Variants in ADGRV1 observed in about 807,000 individuals in gnomAD.
ADGRV1 encodes G-protein coupled receptor 98.
Under a neutral mutation model 596.2 loss-of-function variants are expected in ADGRV1, and 359 were observed. The observed-to-expected ratio is 0.60, with a 90% confidence interval of 0.55 to 0.66. ADGRV1 has a LOEUF of 0.66. Ranked by LOEUF, ADGRV1 falls within the 30% of genes least tolerant of loss-of-function variation. ADGRV1 has a pLI of 0.00. For missense variants in ADGRV1, 7,274 were observed against 7,575.6 expected, an observed-to-expected ratio of 0.96 and a Z score of 1.48; for synonymous variants, 2,681 against 2,679.2, an observed-to-expected ratio of 1.00 and a Z score of -0.02.
chr5:90,631,310 T>G (rs1765466410), intron 9 of ADGRV1, among the ~76,000 whole-genome samples: 3 of 152,188 alleles, frequency 2.0e-5, no homozygotes, highest in South Asian at 4.1e-4. Context: ...GTGACCGTTT[T>G]CATTTTGAAG....
rs879571 is a variant in ADGRV1 at position 90,784,155 on chromosome 5, C to T, written c.13653+98C>T. Reference sequence around the variant, plus strand: ...CCCAAGTATATTTCTTTATTCACAGCCAATCAATATTTATTAATTATCTTG... The same window carrying T: ...CCCAAGTATATTTCTTTATTCACAGTCAATCAATATTTATTAATTATCTTG... On this transcript the variant is annotated intron_variant, in intron 67 of 89. Transcript: ENST00000405460. 100,928 of 756,334 alleles carry T rather than the reference C, an allele frequency of 0.13. 16,722 individuals carry two copies. The highest frequency in any genetic ancestry group is 0.66 in the African/African-American group (37,196 of 56,524). 46.9% of individuals were successfully genotyped at this position (756,334 alleles called of 1,614,324 possible).
rs1580847345 is a variant in ADGRV1, at chr5:90,716,946, G to T, written c.9447+217G>T. 21 of 368,556 alleles carry T rather than the reference G, an allele frequency of 5.7e-5. No individual in the cohort carries two copies. The East Asian group carries it at 7.8e-4, about 14-fold the overall frequency. The allele number at this position is 368,556 out of a possible 1,614,324, so 22.8% of individuals were successfully genotyped here. Reference sequence around the variant, plus strand: ...AAAATTTACTATTAATAGGGTAAAAGAATATGCAAATAATAAAGAAAATAT... The same window carrying T: ...AAAATTTACTATTAATAGGGTAAAATAATATGCAAATAATAAAGAAAATAT... On this transcript the variant is annotated intron_variant, in intron 43 of 89. Transcript: ENST00000405460.
intron 83 of ADGRV1, among the ~76,000 whole-genome samples, chr5:90,919,957 G>A (rs1282702596): frequency 1.5e-5 from 2 of 134,270 alleles, no homozygotes; most frequent in Admixed American, 1.7e-4. Flanking sequence ...TCGTGCCATT[G>A]CACTCCAACC....
At chr5:90,719,402 T>C (rs1750613011) in intron 43 of ADGRV1, among the ~76,000 whole-genome samples, 1 of 152,154 alleles carries the variant, frequency 6.6e-6, no homozygotes, top group Admixed American at 6.5e-5. Context: ...AGATTCCCCC[T>C]GTCTCTTCCC....
chr5:90,893,620 C>A (rs1158246310), intron 83 of ADGRV1, among the ~76,000 whole-genome samples: 1 of 152,070 alleles, frequency 6.6e-6, no homozygotes, highest in African/African-American at 2.4e-5. Flanking sequence ...GCTGACTACA[C>A]AATAGTTTTA....
chr5:90,859,997 A>G (rs979016615), intron 82 of ADGRV1, among the ~76,000 whole-genome samples: 16 of 151,982 alleles, frequency 1.1e-4, no homozygotes, highest in African/African-American at 3.6e-4. Context: ...TGGCTGAGAC[A>G]GGAGGATTGC....
rs1437943128 is a variant in ADGRV1 at position 90,694,267 on chromosome 5, A to G, written c.7511A>G (p.Glu2504Gly). 1 of 1,613,846 alleles carries G rather than the reference A, an allele frequency of 6.2e-7. No individual in the cohort carries two copies. Among genetic ancestry groups the G allele is most frequent in the East Asian group, 2.2e-5 (1 of 44,888 alleles). The change falls in exon 33 of 90, where the codon GAG becomes GGG. Residue 2504 changes from glutamate (E) to glycine (G), a missense_variant. By Grantham distance (98) the Glu-to-Gly change is moderately conservative. Around this residue, in one of 5 missense-constraint regions of ADGRV1, gnomAD observed 3,643 missense variants for 3,809.2 expected, o/e 0.96. Transcript: ENST00000405460. Reference protein sequence around the residue: ...SGQAVAGSDYEPVTRQWAIMQ... With the variant: ...SGQAVAGSDYGPVTRQWAIMQ... Reference sequence around the variant, plus strand: ...CAGGCTGTGGCTGGGAGTGACTATGAGCCTGTGACAAGGCAATGGGCCATA... The same window carrying G: ...CAGGCTGTGGCTGGGAGTGACTATGGGCCTGTGACAAGGCAATGGGCCATA...
chr5:91,004,423 TC>T (rs1782100986), intron 85 of ADGRV1, among the ~76,000 whole-genome samples: 1 of 151,734 alleles, frequency 6.6e-6, no homozygotes, highest in Non-Finnish European at 1.5e-5. Context: ...TTCTGAATCC[TC>T]CCGGTCCTAA....
intron 85 of ADGRV1, among the ~76,000 whole-genome samples, chr5:91,023,359 G>C (rs965516099): frequency 6.6e-6 from 1 of 152,048 alleles, no homozygotes; most frequent in Non-Finnish European, 1.5e-5. Context: ...AAAGCAAGGA[G>C]GTCCTTGTTA....
chr5:90,706,306 A>G lies in ADGRV1; in HGVS notation c.8642A>G (p.Glu2881Gly). 1 of 1,613,610 alleles carries G rather than the reference A, an allele frequency of 6.2e-7. No homozygotes were observed. The highest frequency in any genetic ancestry group is 1.1e-5 in the South Asian group (1 of 90,976). ...AACCAAACAGTAGGAAACCTAGCAG[A>G]GCCAGAAGTTGATTTTGTCCCTATC... ...LKNQTVGNLAEPEVDFVPIIG... is the reference protein window; with the variant it reads ...LKNQTVGNLAGPEVDFVPIIG... Residue 2881 changes from glutamate to glycine, a missense_variant, in exon 38 of 90, where the codon GAG becomes GGG. By Grantham distance (98) the Glu-to-Gly change is moderately conservative (BLOSUM62 -2). Around this residue, in one of 5 missense-constraint regions of ADGRV1, gnomAD observed 3,643 missense variants for 3,809.2 expected, o/e 0.96. Transcript: ENST00000405460.
Position 91,153,418 on chromosome 5 carries a change from C to A in ADGRV1, c.18802+20C>A. ...AAACTGGTATGTATGAACCCATGAA[C>A]GACATTAGAAGTAGGCACTCTTGCT... On this transcript the variant is annotated intron_variant, in intron 89 of 89. Transcript: ENST00000405460. The A allele has an allele frequency of 6.5e-7, 1 of 1,537,424 alleles. No individual in the cohort carries two copies. The highest frequency in any genetic ancestry group is 8.8e-7 in the Non-Finnish European group (1 of 1,137,410).
At chr5:90,675,606 T>C (rs1773128250) in intron 24 of ADGRV1, among the ~76,000 whole-genome samples, 161 bp downstream of exon 24, 2 of 152,022 alleles carry the variant, frequency 1.3e-5, no homozygotes, top group South Asian at 4.1e-4. Flanking sequence ...GCCACCAGCA[T>C]GGGCAACGTC....
chr5:91,068,984 G>T (rs571255322), intron 85 of ADGRV1, among the ~76,000 whole-genome samples: 8 of 151,926 alleles, frequency 5.3e-5, no homozygotes, highest in Non-Finnish European at 1.0e-4. Context: ...GAAAAAAAAG[G>T]CTACACACCT....
At chr5:91,134,087 A>T (rs967332393) in intron 87 of ADGRV1, among the ~76,000 whole-genome samples, 3 of 152,222 alleles carry the variant, frequency 2.0e-5, no homozygotes, top group African/African-American at 7.2e-5. Flanking sequence ...GTAAACTGGA[A>T]AGATAAGTGT....
chr5:90,670,994 C>T (rs976264920), intron 21 of ADGRV1, among the ~76,000 whole-genome samples: 1 of 152,148 alleles, frequency 6.6e-6, no homozygotes. Flanking sequence ...GCAATGGGTA[C>T]GTAGTGATAG....
intron 87 of ADGRV1, among the ~76,000 whole-genome samples, chr5:91,130,920 C>T (rs1020972392): frequency 6.6e-6 from 1 of 152,226 alleles, no homozygotes; most frequent in Non-Finnish European, 1.5e-5. Flanking sequence ...TGGCCTCCAG[C>T]TGCACCTGTG....
intron 85 of ADGRV1, among the ~76,000 whole-genome samples, chr5:91,040,284 G>T (rs1002941315): frequency 5.3e-5 from 8 of 152,146 alleles, no homozygotes; most frequent in African/African-American, 1.9e-4. Flanking sequence ...ATTAATAACT[G>T]TTAGAATGAA....
rs1483114751 is a variant in ADGRV1, at chr5:90,653,447, G to A, written c.3873G>A (p.Glu1291=). The change falls in exon 20 of 90, where the codon GAG becomes GAA. Residue 1291 remains glutamate, a synonymous_variant. Transcript: ENST00000405460. ...TGGGCTGGGAAATACTGTCCAGTGA[G>A]TTCCCTGCTGGTTTGCCACCAATGA... ...VQLGWEILSS[E]FPAGLPPMID... 8 of 1,613,910 alleles carry A rather than the reference G, an allele frequency of 5.0e-6. No individual in the cohort carries two copies. The highest frequency in any genetic ancestry group is 1.6e-4 in the Middle Eastern group (1 of 6,062).
At chr5:90,709,219 T>C (rs1427287599) in intron 39 of ADGRV1, among the ~76,000 whole-genome samples, 1 of 152,218 alleles carries the variant, frequency 6.6e-6, no homozygotes, top group Non-Finnish European at 1.5e-5. Context: ...TTAGCTGTTT[T>C]CAGTAGATCT....
Sources: gnomAD v4.1 joint callset for allele counts (sites outside exome capture counted in the v4.1 genomes callset) on GRCh38, gnomAD v4.1.1 for gene constraint, gnomAD v4.1.1 regional missense constraint, MANE v1.5 for transcripts, NCBI Gene and HGNC (gene_info 2026-07-23, HGNC 2026-07-21) for gene names.